Variants in CLIC5 observed in about 807,000 individuals in gnomAD.
CLIC5 encodes the protein CLIC family member 5.
Under a neutral mutation model 24.7 loss-of-function variants are expected in CLIC5, and 20 were observed. The ratio of observed to expected loss-of-function variants is 0.81; its 90% CI spans 0.57 to 1.18. The LOEUF (loss-of-function observed/expected upper bound fraction) is 1.18, where lower values mean the gene tolerates loss of function less well. CLIC5 is among the 50% of genes most tolerant of loss of function. The pLI, the probability that CLIC5 is intolerant of heterozygous loss-of-function variation, is 0.00. For synonymous variants in CLIC5, 159 were observed against 135.6 expected (o/e 1.17, Z -1.20); for missense variants, 341 against 326.1 (o/e 1.05, Z -0.35).
chr6:45,911,725 G>T, intron 5 of CLIC5: 1 of 985,356 alleles, frequency 1.0e-6, no homozygotes, highest in Non-Finnish European at 1.2e-6. Flanking sequence ...ATTGATGTTG[G>T]TGTTCCCCTT....
chr6:46,120,365 G>T, the CLIC5 span, among the ~76,000 whole-genome samples: 1 of 152,210 alleles, frequency 6.6e-6, no homozygotes, highest in African/African-American at 2.4e-5. Flanking sequence ...ACCTGCAGCT[G>T]AGGGTCCTGA....
intron 1 of CLIC5, among the ~76,000 whole-genome samples, chr6:46,070,724 T>C (rs1263162336): frequency 6.6e-6 from 1 of 151,924 alleles, no homozygotes; most frequent in Non-Finnish European, 1.5e-5. Context: ...AAAAAAGAAC[T>C]ATTTAAAAAT....
At chr6:45,923,673 T>C (rs1763362398) in intron 4 of CLIC5, among the ~76,000 whole-genome samples, 1 of 152,202 alleles carries the variant, frequency 6.6e-6, no homozygotes, top group South Asian at 2.1e-4. Flanking sequence ...AAGTGTTGAG[T>C]ATATTTAAGG....
intron 1 of CLIC5, among the ~76,000 whole-genome samples, chr6:46,073,481 T>C (rs1029420690): frequency 1.3e-5 from 2 of 152,220 alleles, no homozygotes; most frequent in Admixed American, 6.5e-5. Flanking sequence ...GTTAATGATA[T>C]ATGATATATT....
the CLIC5 span, among the ~76,000 whole-genome samples, chr6:46,109,828 C>T: frequency 5.3e-5 from 8 of 151,690 alleles, no homozygotes; most frequent in South Asian, 4.2e-4. Context: ...AAAAGCTGAG[C>T]GTTGGGAGAA....
At chr6:45,964,356 T>C (rs1318688216) in intron 1 of CLIC5, among the ~76,000 whole-genome samples, 2 of 152,218 alleles carry the variant, frequency 1.3e-5, no homozygotes, top group Non-Finnish European at 2.9e-5. Context: ...TTCATAACCT[T>C]TCCACAGCCC....
intron 1 of CLIC5, among the ~76,000 whole-genome samples, chr6:45,984,763 T>A (rs1388503376): frequency 6.6e-6 from 1 of 152,176 alleles, no homozygotes; most frequent in African/African-American, 2.4e-5. Flanking sequence ...CAGCCATCCA[T>A]TCAAAATCAC....
chr6:45,974,156 A>T (rs35958043), intron 1 of CLIC5, among the ~76,000 whole-genome samples: 98,074 of 151,510 alleles, frequency 0.65, 32,057 homozygotes, highest in Admixed American at 0.73. Flanking sequence ...AGAGAGGAGA[A>T]ATATATATAG....
intron 4 of CLIC5, among the ~76,000 whole-genome samples, chr6:45,919,496 C>T (rs1472829520): frequency 6.6e-6 from 1 of 152,042 alleles, no homozygotes; most frequent in Non-Finnish European, 1.5e-5. Context: ...CTCCCCCCCA[C>T]CACCTCTCCT....
chr6:45,885,696 A>G (rs1762299292), intron 6 of CLIC5, among the ~76,000 whole-genome samples: 1 of 152,244 alleles, frequency 6.6e-6, no homozygotes, highest in African/African-American at 2.4e-5. Context: ...GATGAAACAA[A>G]GTCGTAGAGA....
At chr6:45,992,386 GC>G (rs1178094170) in intron 1 of CLIC5, among the ~76,000 whole-genome samples, 1 of 152,156 alleles carries the variant, frequency 6.6e-6, no homozygotes, top group East Asian at 1.9e-4. Context: ...TAATTGAAGT[GC>G]CTGCAAGTCA....
chr6:46,087,620 G>C, the CLIC5 span, among the ~76,000 whole-genome samples: 4 of 152,024 alleles, frequency 2.6e-5, no homozygotes, highest in African/African-American at 9.7e-5. Context: ...CCTCTCTGCG[G>C]ACTCCATCAT....
At chr6:45,980,448 T>G (rs1416875195) in intron 1 of CLIC5, among the ~76,000 whole-genome samples, 2 of 152,070 alleles carry the variant, frequency 1.3e-5, no homozygotes, top group Admixed American at 1.3e-4. Flanking sequence ...ATTGGAAAAC[T>G]ACCTATTGTG....
At chr6:45,921,812 G>A (rs1199639379) in intron 4 of CLIC5, among the ~76,000 whole-genome samples, 1 of 152,162 alleles carries the variant, frequency 6.6e-6, no homozygotes, top group Admixed American at 6.5e-5. Flanking sequence ...GGCCACATGG[G>A]TGTGTCACAT....
At chr6:46,074,997 G>A (rs371400382) in intron 1 of CLIC5, among the ~76,000 whole-genome samples, 2 of 152,160 alleles carry the variant, frequency 1.3e-5, no homozygotes, top group African/African-American at 4.8e-5. Context: ...TTGCTGCAAA[G>A]CACTATGCTT....
At chr6:45,941,800 G>T (rs1764141546) in intron 3 of CLIC5, 147 bp from the exon 4 acceptor site, 1 of 690,988 alleles carries the variant, frequency 1.4e-6, no homozygotes, top group Non-Finnish European at 2.6e-6. Context: ...ACTATAGGGA[G>T]GGTGGGCATT....
At chr6:45,905,074 A>G (rs1369967331) in intron 5 of CLIC5, among the ~76,000 whole-genome samples, 2 of 152,104 alleles carry the variant, frequency 1.3e-5, no homozygotes, top group Non-Finnish European at 2.9e-5. Context: ...TTACATGGCT[A>G]TGTAGTATTC....
At chr6:45,939,440 C>T (rs1353227291) in intron 4 of CLIC5, among the ~76,000 whole-genome samples, 1 of 152,008 alleles carries the variant, frequency 6.6e-6, no homozygotes, top group African/African-American at 2.4e-5. Flanking sequence ...GATCCACCCA[C>T]CTTGGCCTCC....
rs1766978282 is a variant in CLIC5 at position 46,015,680 on chromosome 6, A to G, written c.-138T>C. ...TGTTTAATTTTTCACAAAACCATCT[A>G]TTCTCCAGCCCGAGCAGCGGGGTCT... is the stretch of plus-strand genomic sequence containing the variant. On this transcript the variant is annotated 5_prime_UTR_variant, in exon 1 of 6. Coordinates refer to ENST00000339561, the MANE Select transcript of CLIC5 (RefSeq NM_016929.5). 3 of 1,296,528 alleles carry G rather than the reference A, an allele frequency of 2.3e-6. No individual in the cohort carries two copies. The highest frequency in any genetic ancestry group is 3.0e-6 in the Non-Finnish European group (3 of 1,016,238). The allele number at this position is 1,296,528 out of a possible 1,614,324, so 80.3% of individuals were successfully genotyped here.
Sources: gnomAD v4.1 joint callset for allele counts (sites outside exome capture counted in the v4.1 genomes callset) on GRCh38, gnomAD v4.1.1 for gene constraint, MANE v1.5 for transcripts, NCBI Gene and HGNC (gene_info 2026-07-23, HGNC 2026-07-21) for gene names.